The following EDARADD variants were observed in gnomAD, a reference collection of about 807,000 sequenced individuals.
The protein encoded by EDARADD is EDAR associated via death domain.
EDARADD carries 20 observed loss-of-function variants against 25.6 expected under a neutral mutation model. That is an observed-to-expected ratio of 0.78 (90% confidence interval 0.55 to 1.14). The LOEUF (loss-of-function observed/expected upper bound fraction) is 1.14, where lower values mean the gene tolerates loss of function less well. Ranked by LOEUF, EDARADD falls within the 50% of genes most tolerant of loss-of-function variation. EDARADD has a pLI of 0.00. For synonymous variants in EDARADD, 86 were observed against 94.4 expected (o/e 0.91, Z 0.52); for missense variants, 225 against 270.1 (o/e 0.83, Z 1.17).
At chr1:236,434,243 G>C (rs985310400) in intron 4 of EDARADD, among the ~76,000 whole-genome samples, 1 of 149,706 alleles carries the variant, frequency 6.7e-6, no homozygotes, top group Non-Finnish European at 1.5e-5. Context: ...GAATTTTTTT[G>C]CTTTTTTTTT....
Position 236,482,802 on chromosome 1 carries a change from A to G in EDARADD, c.*153A>G, listed in dbSNP as rs898160289. ...AAAGCTGGCAGTTTTGTGGAGGGGT[A>G]GCTTGTTTCGGTGGTGGATCTCTGT... On this transcript the variant is annotated 3_prime_UTR_variant, in exon 6 of 6. Transcript: ENST00000334232. The G allele has an allele frequency of 3.9e-6, 4 of 1,036,932 alleles. No individual in the cohort carries two copies. Among genetic ancestry groups the G allele is most frequent in the Non-Finnish European group, 5.7e-6 (4 of 701,900 alleles). 64.2% of individuals were successfully genotyped at this position (1,036,932 alleles called of 1,614,324 possible). A position where few individuals can be genotyped will look rare whatever the true frequency, so the allele number is the denominator to read the frequency against.
rs559135762 is a variant in EDARADD, at chr1:236,353,409, C to T, written c.-6+2570C>T. On this transcript the variant is annotated intron_variant, in intron 3 of 7. Transcript: ENST00000439430. ...CATTAAGATGTTGGACAGCCAGGCGCGGTGGCTCACACCTGTAATCCCAGC... is the reference window on the plus strand; with the variant it reads ...CATTAAGATGTTGGACAGCCAGGCGTGGTGGCTCACACCTGTAATCCCAGC... Among the ~76,000 whole-genome samples the T allele has an allele frequency of 1.7e-4, 26 of 152,194 alleles. 1 individual carries two copies. The highest frequency in any genetic ancestry group is 8.3e-4 in the South Asian group (4 of 4,824).
At chr1:236,389,855 A>T (rs1361385350), upstream of EDARADD, among the ~76,000 whole-genome samples, 1 of 152,044 alleles carries the variant, frequency 6.6e-6, no homozygotes, top group Admixed American at 6.6e-5. Flanking sequence ...ATAAAAATAA[A>T]AAAATTGGCC....
intron 3 of EDARADD, among the ~76,000 whole-genome samples, chr1:236,381,026 C>T (rs111634460): frequency 2.6e-4 from 39 of 152,282 alleles, no homozygotes; most frequent in African/African-American, 7.9e-4. Flanking sequence ...TGAACATGTC[C>T]GTTAGCCCCC....
chr1:236,357,758 A>C (rs541800744), intron 3 of EDARADD, among the ~76,000 whole-genome samples: 20 of 152,040 alleles, frequency 1.3e-4, no homozygotes, highest in Non-Finnish European at 2.2e-4. Context: ...CCAGTGACCT[A>C]AATACCTTCC....
intron 3 of EDARADD, among the ~76,000 whole-genome samples, chr1:236,357,922 G>T (rs1455284113): frequency 6.6e-6 from 1 of 150,790 alleles, no homozygotes; most frequent in African/African-American, 2.4e-5. Flanking sequence ...GCCCAGGCTG[G>T]AGCGAAATGG....
At chr1:236,352,151 C>T (rs1666921976) in intron 3 of EDARADD, among the ~76,000 whole-genome samples, 1 of 152,172 alleles carries the variant, frequency 6.6e-6, no homozygotes, top group African/African-American at 2.4e-5. Flanking sequence ...TTTCCTTTGG[C>T]TGCTCATGTG....
intron 3 of EDARADD, among the ~76,000 whole-genome samples, chr1:236,356,329 C>A (rs550460946): frequency 1.3e-5 from 2 of 152,250 alleles, no homozygotes; most frequent in East Asian, 1.9e-4. Context: ...ATCAAAATAG[C>A]CTCCTATCAG....
chr1:236,412,536 C>T (rs1016410813), intron 2 of EDARADD, among the ~76,000 whole-genome samples: 6 of 152,110 alleles, frequency 3.9e-5, no homozygotes, highest in African/African-American at 1.2e-4. Flanking sequence ...CATCTAATCC[C>T]GCCTTCCTCT....
intron 4 of EDARADD, among the ~76,000 whole-genome samples, chr1:236,447,674 A>G (rs1571940828): frequency 1.3e-5 from 2 of 152,254 alleles, no homozygotes; most frequent in South Asian, 2.1e-4. Context: ...GAGAATCCCT[A>G]AGGATAGATT....
rs1231037740 is a variant in EDARADD, at chr1:236,384,027, A to T, written c.-5-25189A>T. On this transcript the variant is annotated intron_variant, in intron 3 of 7. Transcript: ENST00000439430. Reference sequence around the variant, plus strand: ...CAAAAAAATAAAATAAAATAAAATAATATTTTTGAGTTTATATCGTGTAAC... The same window carrying T: ...CAAAAAAATAAAATAAAATAAAATATTATTTTTGAGTTTATATCGTGTAAC... 2.6e-5 allele frequency among the ~76,000 whole-genome samples: 4 copies of T among 152,246 alleles called. No individual in the cohort carries two copies. In the South Asian group the frequency reaches 8.3e-4, roughly 32 times the overall value.
intron 4 of EDARADD, among the ~76,000 whole-genome samples, chr1:236,455,037 C>T (rs1658818913): frequency 6.6e-6 from 1 of 152,040 alleles, no homozygotes; most frequent in Admixed American, 6.6e-5. Context: ...TGGTGAAACC[C>T]CATCTCTACT....
intron 4 of EDARADD, among the ~76,000 whole-genome samples, chr1:236,454,192 T>C: frequency 6.6e-6 from 1 of 152,122 alleles, no homozygotes; most frequent in African/African-American, 2.4e-5. Flanking sequence ...ACTACAGGCG[T>C]ATGCTACCAC....
intron 3 of EDARADD, among the ~76,000 whole-genome samples, chr1:236,371,911 T>C (rs1667176953): frequency 6.6e-6 from 1 of 152,018 alleles, no homozygotes; most frequent in Admixed American, 6.6e-5. Context: ...TTTTGCTCTA[T>C]TCCTACCTTG....
chr1:236,481,656 G>C (rs1227931367), intron 5 of EDARADD, among the ~76,000 whole-genome samples: 1 of 151,274 alleles, frequency 6.6e-6, no homozygotes, highest in African/African-American at 2.4e-5. Context: ...GTACGTGCCT[G>C]TAGTCCCAGG....
chr1:236,479,076 G>A (rs1488184145), intron 5 of EDARADD, among the ~76,000 whole-genome samples: 3 of 152,086 alleles, frequency 2.0e-5, no homozygotes, highest in Non-Finnish European at 4.4e-5. Flanking sequence ...TATACTGCTC[G>A]GGTGATGGGT....
intron 4 of EDARADD, among the ~76,000 whole-genome samples, chr1:236,446,183 T>C (rs1658532457): frequency 6.6e-6 from 1 of 152,228 alleles, no homozygotes; most frequent in Admixed American, 6.5e-5. Context: ...AAGGACCTTC[T>C]CCTTCTCCCC....
At chr1:236,430,653 C>A (rs1658070798) in intron 4 of EDARADD, among the ~76,000 whole-genome samples, 2 of 152,214 alleles carry the variant, frequency 1.3e-5, no homozygotes, top group Non-Finnish European at 1.5e-5. Flanking sequence ...AGGCAGCTGG[C>A]TGCTTCCGTT....
intron 5 of EDARADD, among the ~76,000 whole-genome samples, chr1:236,480,469 G>T (rs901051944): frequency 6.6e-6 from 1 of 151,950 alleles, no homozygotes; most frequent in African/African-American, 2.4e-5. Flanking sequence ...TATTTTCAAG[G>T]CTCTTGTTTT....
Sources: allele counts gnomAD v4.1 joint callset (sites outside exome capture counted in the v4.1 genomes callset), GRCh38; gene constraint gnomAD v4.1.1; transcripts MANE v1.5; gene names NCBI Gene and HGNC (gene_info 2026-07-23, HGNC 2026-07-21).